Variants in HDAC5 observed in about 807,000 individuals in gnomAD.
HDAC5 encodes the protein antigen NY-CO-9.
HDAC5 carries 25 observed loss-of-function variants against 133.3 expected under a neutral mutation model. The ratio of observed to expected loss-of-function variants is 0.19; its 90% CI spans 0.14 to 0.26. The LOEUF (loss-of-function observed/expected upper bound fraction) is 0.26. HDAC5 is among the 10% of genes least tolerant of loss of function. The pLI is 1.00. For missense variants in HDAC5, 1,041 were observed against 1,460.5 expected, an observed-to-expected ratio of 0.71 and a Z score of 4.68; for synonymous variants, 589 against 610.8, an observed-to-expected ratio of 0.96 and a Z score of 0.53.
chr17:44,111,555 T>G (rs2052346111), intron 2 of HDAC5: 2 of 510,934 alleles, frequency 3.9e-6, no homozygotes, highest in Non-Finnish European at 7.8e-6. Context: ...GAAGCCAGAC[T>G]CAAGCCTCCG....
At chr17:44,092,111 T>C in intron 9 of HDAC5, 61 bp downstream of exon 9, 2 of 1,445,098 alleles carry the variant, frequency 1.4e-6, no homozygotes, top group Non-Finnish European at 9.6e-7. Flanking sequence ...AGCTGCACTC[T>C]TTCTTCCATG....
At chr17:44,115,121 C>T (rs1021471146) in intron 2 of HDAC5, among the ~76,000 whole-genome samples, 5 of 152,210 alleles carry the variant, frequency 3.3e-5, no homozygotes, top group African/African-American at 1.2e-4. Flanking sequence ...CTGTCTTCCA[C>T]AGGCTGAGCC....
Position 44,093,082 on chromosome 17 carries a change from G to C in HDAC5, c.641+10C>G. ...ACCTATGCCCACCCATGCCTGCCCA[G>C]GGCCATTACCAGCATTTGGGGTGCT... On this transcript the variant is annotated intron_variant, in intron 6 of 26. Coordinates refer to ENST00000682912, the MANE Select transcript of HDAC5 (RefSeq NM_005474.5). 6.3e-7 allele frequency: 1 copy of C among 1,598,752 alleles called. No individual in the cohort carries two copies. Among genetic ancestry groups the C allele is most frequent in the Non-Finnish European group, 8.5e-7 (1 of 1,170,074 alleles).
chr17:44,084,675 G>A lies in HDAC5; in HGVS notation c.2185C>T (p.Arg729Trp), dbSNP rs776759770. ...AGCGTGGCTTTGCGACCTCGGATCC[G>A]CTGCCAGGAGGATCAGTAAGAGGGG... ...QETGLLSKCE[R>W]IRGRKATLDE... Residue 729 changes from arginine (R) to tryptophan (W), a missense_variant and splice_region_variant, in exon 16 of 27, where the codon CGG becomes TGG. Around this residue, in one of 9 missense-constraint regions of HDAC5, gnomAD observed 42 missense variants for 101.7 expected, o/e 0.41. Transcript: ENST00000682912. 3.1e-6 allele frequency: 5 copies of A among 1,613,700 alleles called. No homozygotes were observed. The highest frequency in any genetic ancestry group is 1.7e-6 in the Non-Finnish European group (2 of 1,179,742).
chr17:44,122,934 G>A (rs991205604), intron 1 of HDAC5, among the ~76,000 whole-genome samples: 1 of 152,218 alleles, frequency 6.6e-6, no homozygotes, highest in Non-Finnish European at 1.5e-5. Flanking sequence ...CGCCTCACAG[G>A]AGACGGGGTG....
intron 3 of HDAC5, among the ~76,000 whole-genome samples, chr17:44,096,770 C>T (rs899493411): frequency 6.6e-6 from 1 of 150,702 alleles, no homozygotes; most frequent in African/African-American, 2.4e-5. Context: ...GCCACTGCCC[C>T]TGGCCTTTTT....
At position 44,092,808 on chromosome 17, in the gene HDAC5, TGGGGTGG is replaced by T; in HGVS notation, c.642-9_642-3del. On this transcript the variant is annotated splice_region_variant and splice_polypyrimidine_tract_variant and intron_variant, in intron 6 of 26. Transcript: ENST00000682912. The stretch of plus-strand genomic sequence containing the variant: ...TCCAAAGAAGCATGGTGGGCTCCCC[TGGGGTGG>T]GGGGGGGGTGGGGATGGAAGCAGAT... 6 of 236,628 alleles carry T rather than the reference TGGGGTGG, an allele frequency of 2.5e-5. No individual in the cohort carries two copies. The highest frequency in any genetic ancestry group is 9.8e-5 in the African/African-American group (1 of 10,204). The allele number at this position is 236,628 out of a possible 1,614,324, so 14.7% of individuals were successfully genotyped here.
At chr17:44,097,742 G>C (rs1367334314) in intron 3 of HDAC5, among the ~76,000 whole-genome samples, 1 of 152,272 alleles carries the variant, frequency 6.6e-6, no homozygotes, top group Non-Finnish European at 1.5e-5. Flanking sequence ...GCCTGCCCAG[G>C]GAAGGGCAGA....
chr17:44,117,733 C>G lies in HDAC5; in HGVS notation c.-189-29G>C, dbSNP rs1222788263. 1 of 604,788 alleles carries G rather than the reference C, an allele frequency of 1.7e-6. No homozygotes were observed. Among genetic ancestry groups the G allele is most frequent in the African/African-American group, 1.9e-5 (1 of 54,000 alleles). The allele number at this position is 604,788 out of a possible 1,614,324, so 37.5% of individuals were successfully genotyped here. The stretch of plus-strand genomic sequence containing the variant: ...GGGAGAGATGGAGCAGGGTTAGAGG[C>G]CCCTAACTCAGGAATCTGAGAGTCG... On this transcript the variant is annotated intron_variant, in intron 1 of 26. Coordinates refer to ENST00000682912, the MANE Select transcript of HDAC5 (RefSeq NM_005474.5). This position sits in a 1 kb window ranked among gnomAD's most constrained non-coding sequence, Gnocchi z 4.2.
chr17:44,108,762 C>A (rs2523160), intron 3 of HDAC5, among the ~76,000 whole-genome samples: 25,760 of 54,008 alleles, frequency 0.48, 4,180 homozygotes, highest in East Asian at 0.63. Flanking sequence ...AAAAAAAAAA[C>A]AAAAAAAAAA....
At chr17:44,078,910 T>C in intron 24 of HDAC5, 31 bp from the exon 25 acceptor site, 1 of 1,610,772 alleles carries the variant, frequency 6.2e-7, no homozygotes, top group Non-Finnish European at 8.5e-7. Flanking sequence ...AGGCTTAGGG[T>C]GGGGAGTAGG....
rs2050243618 is a variant in HDAC5, at chr17:44,078,865, A to G, written c.3093T>C (p.Asp1031=). The G allele has an allele frequency of 6.2e-7, 1 of 1,614,166 alleles. No homozygotes were observed. The highest frequency in any genetic ancestry group is 8.5e-7 in the Non-Finnish European group (1 of 1,180,026). ...ALLSVELQPL[D]EAVLQQKPNI... is the part of the protein sequence containing the mutation. ...TGGGCTTTTGCTGCAAGACTGCCTCATCCAAGGGCTGCAGCTGGCAGGGGA... is the reference window on the plus strand; with the variant it reads ...TGGGCTTTTGCTGCAAGACTGCCTCGTCCAAGGGCTGCAGCTGGCAGGGGA... The change falls in exon 25 of 27, where the codon GAT becomes GAC. Residue 1031 remains aspartate (D), a synonymous_variant. Transcript: ENST00000682912.
At position 44,080,695 on chromosome 17, in the gene HDAC5, C is replaced by G. The variant is rs527707309; in HGVS notation, c.2727+68G>C. 11 of 1,608,628 alleles carry G rather than the reference C, an allele frequency of 6.8e-6. No homozygotes were observed. The East Asian group carries it at 2.2e-4, about 33-fold the overall frequency. Reference sequence around the variant, plus strand: ...ACCACCATGGGCCTCCGTGGCTCCCCGCCAGGTCCCATTGTGCCACCTCCC... The same window carrying G: ...ACCACCATGGGCCTCCGTGGCTCCCGGCCAGGTCCCATTGTGCCACCTCCC... On this transcript the variant is annotated intron_variant, in intron 21 of 26. Coordinates refer to ENST00000682912, the MANE Select transcript of HDAC5 (RefSeq NM_005474.5).
At chr17:44,105,180 C>A (rs2051855411) in intron 3 of HDAC5, among the ~76,000 whole-genome samples, 1 of 152,148 alleles carries the variant, frequency 6.6e-6, no homozygotes, top group Non-Finnish European at 1.5e-5. Context: ...TATTAAGGAT[C>A]CAGAGGTCTA....
intron 3 of HDAC5, among the ~76,000 whole-genome samples, chr17:44,098,024 C>T (rs955177035): frequency 1.3e-5 from 2 of 152,272 alleles, no homozygotes; most frequent in African/African-American, 4.8e-5. Context: ...GCACAGGCGA[C>T]TCCAGAATAT....
intron 20 of HDAC5, among the ~76,000 whole-genome samples, chr17:44,081,186 C>T (rs1260382571): frequency 6.6e-6 from 1 of 152,136 alleles, no homozygotes; most frequent in East Asian, 1.9e-4. Flanking sequence ...AGAACCCATT[C>T]CACCTCACAG....
At chr17:44,083,100 T>G (rs1474681089) in intron 18 of HDAC5, among the ~76,000 whole-genome samples, 16 of 152,034 alleles carry the variant, frequency 1.1e-4, no homozygotes, top group Non-Finnish European at 2.9e-5. Context: ...CACCTCAGTC[T>G]CCTGAATAGC....
intron 3 of HDAC5, among the ~76,000 whole-genome samples, chr17:44,098,220 C>T (rs934769229): frequency 6.6e-6 from 1 of 152,224 alleles, no homozygotes; most frequent in African/African-American, 2.4e-5. Flanking sequence ...GGGCCTTGCA[C>T]TCTCTCAAGG....
chr17:44,090,954 G>C (rs1167110307), intron 11 of HDAC5, among the ~76,000 whole-genome samples: 2 of 152,202 alleles, frequency 1.3e-5, no homozygotes, highest in African/African-American at 4.8e-5. Context: ...CTCCCAAAGT[G>C]CTGGGATTTC....
Sources: gnomAD v4.1 joint callset for allele counts (sites outside exome capture counted in the v4.1 genomes callset) on GRCh38, gnomAD v4.1.1 for gene constraint, gnomAD v4.1.1 regional missense constraint, Gnocchi (gnomAD v3.1) non-coding constraint, MANE v1.5 for transcripts, NCBI Gene and HGNC (gene_info 2026-07-23, HGNC 2026-07-21) for gene names.